Variants in MAP6 observed in about 807,000 individuals in gnomAD.
The protein encoded by MAP6 is microtubule-associated protein 6.
Under a neutral mutation model 42.4 loss-of-function variants are expected in MAP6, and 26 were observed. The observed-to-expected ratio is 0.61, with a 90% CI of 0.45 to 0.85. The LOEUF is 0.85. MAP6 is among the 40% of genes least tolerant of loss of function. The pLI is 0.00. For missense variants in MAP6, 966 were observed against 1,099.0 expected (o/e 0.88, Z 1.71); for synonymous variants, 418 against 443.8 (o/e 0.94, Z 0.73).
At chr11:75,661,598 C>G (rs569493216) in intron 1 of MAP6, among the ~76,000 whole-genome samples, 27 of 152,056 alleles carry the variant, frequency 1.8e-4, no homozygotes, top group African/African-American at 6.3e-4. Context: ...TGATGCTGAG[C>G]CTTCAATAAG....
chr11:75,601,444 G>A (rs780823075), intron 3 of MAP6, among the ~76,000 whole-genome samples: 3 of 151,990 alleles, frequency 2.0e-5, no homozygotes, highest in African/African-American at 7.3e-5. Flanking sequence ...TAGACAGGTG[G>A]GTGGGATGTT....
rs997695759 is a variant in MAP6, at chr11:75,668,423, C to T, written c.-54G>A. The T allele has an allele frequency of 2.4e-5, 37 of 1,531,328 alleles. No homozygotes were observed. The highest frequency in any genetic ancestry group is 4.2e-5 in the African/African-American group (3 of 70,614). The allele number at this position is 1,531,328 out of a possible 1,614,324, so 94.9% of individuals were successfully genotyped here. A position where few individuals can be genotyped will look rare whatever the true frequency, so the allele number is the denominator to read the frequency against. ...TTCTTCTTGTGGTTCTAAAGCAAGT[C>T]TCTATAATCTTCCTTCAGCCTCCGA... is the stretch of plus-strand genomic sequence containing the variant. On this transcript the variant is annotated 5_prime_UTR_variant, in exon 1 of 4. Transcript: ENST00000304771.
At chr11:75,610,426 G>A (rs1183864760) in intron 1 of MAP6, among the ~76,000 whole-genome samples, 1 of 152,172 alleles carries the variant, frequency 6.6e-6, no homozygotes, top group African/African-American at 2.4e-5. Flanking sequence ...TGCCTAACAG[G>A]ATGCTGGGTG....
At chr11:75,616,763 G>C (rs1286773516) in intron 1 of MAP6, among the ~76,000 whole-genome samples, 1 of 152,178 alleles carries the variant, frequency 6.6e-6, no homozygotes, top group Non-Finnish European at 1.5e-5. Context: ...GCAGCTCTCA[G>C]TTTCTTTTGT....
intron 1 of MAP6, among the ~76,000 whole-genome samples, chr11:75,646,700 T>A (rs1230866162): frequency 1.3e-5 from 2 of 151,664 alleles, no homozygotes; most frequent in African/African-American, 4.8e-5. Context: ...ATCGGGAGGC[T>A]GAGGCAGGAG....
intron 1 of MAP6, among the ~76,000 whole-genome samples, chr11:75,651,096 C>T (rs1943638986): frequency 6.6e-6 from 1 of 152,112 alleles, no homozygotes; most frequent in Non-Finnish European, 1.5e-5. Flanking sequence ...TGTCCCAATC[C>T]CTGGGGATAT....
In MAP6 at chr11:75,608,239, A is replaced by G; in HGVS notation, c.989T>C (p.Met330Thr). ...AGCACTGTAGCTGGTCTCATGAACC[A>G]TCTTATCATCTGGGGGCTTGTACTG... ...KPQYKPPDDK[M>T]VHETSYSAQF... The change falls in exon 2 of 4, where the codon ATG (methionine) becomes ACG (threonine). Residue 330 changes from methionine (M) to threonine (T), a missense_variant. This residue lies in a region of MAP6 where 943 missense variants were observed against 1,049.9 expected (regional missense o/e 0.90). Transcript: ENST00000304771. 6.2e-7 allele frequency: 1 copy of G among 1,614,172 alleles called. No homozygotes were observed. The highest frequency in any genetic ancestry group is 2.2e-5 in the East Asian group (1 of 44,878).
At chr11:75,662,662 C>T (rs557818283) in intron 1 of MAP6, among the ~76,000 whole-genome samples, 158 of 152,268 alleles carry the variant, frequency 1.0e-3, no homozygotes, top group African/African-American at 3.6e-3. Context: ...CTTTTGTGTA[C>T]TAAATTTTGA....
At chr11:75,620,932 C>T (rs2135613214) in intron 1 of MAP6, among the ~76,000 whole-genome samples, 1 of 152,198 alleles carries the variant, frequency 6.6e-6, no homozygotes, top group East Asian at 1.9e-4. Context: ...AGATAGAGAC[C>T]ATCCTGGCTA....
chr11:75,628,748 G>A (rs1303412485), intron 1 of MAP6, among the ~76,000 whole-genome samples: 1 of 152,198 alleles, frequency 6.6e-6, no homozygotes, highest in Non-Finnish European at 1.5e-5. Flanking sequence ...TTTTGTGAAA[G>A]GGGAGGGGAA....
Position 75,649,335 on chromosome 11 carries a change from A to C in MAP6, c.905+18130T>G, listed in dbSNP as rs546895144. Among the ~76,000 whole-genome samples the C allele has an allele frequency of 4.6e-5, 7 of 152,302 alleles. No individual in the cohort carries two copies. In the East Asian group the frequency reaches 1.3e-3, roughly 29 times the overall value. On this transcript the variant is annotated intron_variant, in intron 1 of 3. Coordinates refer to ENST00000304771, the MANE Select transcript of MAP6 (RefSeq NM_033063.2). ...CACAGTGTAGGATGCCATGTCAGAA[A>C]GCACACATAAATGCAAGGCCTTACA...
chr11:75,614,743 G>A (rs563885375), intron 1 of MAP6, among the ~76,000 whole-genome samples: 2 of 152,158 alleles, frequency 1.3e-5, no homozygotes, highest in South Asian at 4.1e-4. Flanking sequence ...CATTTACATG[G>A]CTAAGTTTTG....
intron 1 of MAP6, among the ~76,000 whole-genome samples, chr11:75,611,966 C>T (rs867805822): frequency 2.0e-5 from 3 of 152,274 alleles, no homozygotes; most frequent in Non-Finnish European, 4.4e-5. Context: ...CACTACACTT[C>T]GGCAATGTGC....
intron 1 of MAP6, among the ~76,000 whole-genome samples, chr11:75,663,560 T>A (rs537053135): frequency 6.6e-6 from 1 of 152,176 alleles, no homozygotes; most frequent in Non-Finnish European, 1.5e-5. Context: ...CAGGTGTTCA[T>A]GACGTGGTGG....
intron 1 of MAP6, among the ~76,000 whole-genome samples, chr11:75,662,265 C>T (rs1257206933): frequency 6.6e-6 from 1 of 152,038 alleles, no homozygotes; most frequent in African/African-American, 2.4e-5. Context: ...ACTTACCTCA[C>T]TCCATTCATA....
At chr11:75,630,737 CTAAT>C (rs1443552570) in intron 1 of MAP6, among the ~76,000 whole-genome samples, 3 of 152,188 alleles carry the variant, frequency 2.0e-5, no homozygotes, top group Non-Finnish European at 4.4e-5. Flanking sequence ...AAACTCATTA[CTAAT>C]TAAAGGAAGC....
chr11:75,631,127 A>T (rs571341757), intron 1 of MAP6, among the ~76,000 whole-genome samples: 1 of 152,352 alleles, frequency 6.6e-6, no homozygotes, highest in East Asian at 1.9e-4. Context: ...GACTGGTTTA[A>T]GAAGCATAAT....
intron 1 of MAP6, among the ~76,000 whole-genome samples, chr11:75,641,224 T>G (rs1943464361): frequency 6.6e-6 from 1 of 150,592 alleles, no homozygotes; most frequent in East Asian, 2.0e-4. Context: ...CTCAGCAAAC[T>G]ATTGCAAAGA....
At chr11:75,642,387 C>T (rs1358461297) in intron 1 of MAP6, among the ~76,000 whole-genome samples, 1 of 152,194 alleles carries the variant, frequency 6.6e-6, no homozygotes, top group African/African-American at 2.4e-5. Flanking sequence ...GTAGTTGTTA[C>T]ATTGTAAATA....
Sources: allele counts gnomAD v4.1 joint callset (sites outside exome capture counted in the v4.1 genomes callset), GRCh38; gene constraint gnomAD v4.1.1; regional missense constraint gnomAD v4.1.1; transcripts MANE v1.5; gene names NCBI Gene and HGNC (gene_info 2026-07-23, HGNC 2026-07-21).